The following RAB33A variants were observed in gnomAD, a reference collection of about 807,000 sequenced individuals.
The protein encoded by RAB33A is RAB33A, member RAS oncogene family, also known as ras-related protein Rab-33A.
RAB33A carries 6 observed loss-of-function variants against 12.0 expected under a neutral mutation model. The observed-to-expected ratio is 0.50, with a 90% CI of 0.27 to 0.99. The LOEUF (loss-of-function observed/expected upper bound fraction) is 0.99. Ranked by LOEUF, RAB33A falls within the 50% of genes least tolerant of loss-of-function variation. The probability of loss-of-function intolerance (pLI) is 0.11; values close to 1 mark genes in which losing one functional copy is unlikely to be tolerated. For missense variants in RAB33A, 109 were observed against 192.0 expected (o/e 0.57, Z 2.55); for synonymous variants, 70 against 82.4 (o/e 0.85, Z 0.81).
chrX:130,124,963 G>C, the RAB33A span, among the ~76,000 whole-genome samples: 2 of 112,141 alleles, frequency 1.8e-5, no homozygotes, highest in African/African-American at 6.5e-5. Context: ...AAACCAGGAT[G>C]GGGGTGGGGG....
the RAB33A span, among the ~76,000 whole-genome samples, chrX:130,132,628 T>G: frequency 1.8e-5 from 2 of 112,695 alleles, no homozygotes; most frequent in Non-Finnish European, 3.8e-5. Context: ...GTCTCGAACT[T>G]CTGGGCTCAA....
At chrX:130,154,801 T>G in the RAB33A span, among the ~76,000 whole-genome samples, 3 of 112,821 alleles carry the variant, frequency 2.7e-5, no homozygotes, top group Non-Finnish European at 5.6e-5. Flanking sequence ...TACCTTTATT[T>G]GCTTATTTAA....
the RAB33A span, chrX:130,138,639 A>G: frequency 8.3e-7 from 1 of 1,209,125 alleles, no homozygotes; most frequent in Non-Finnish European, 1.1e-6. Flanking sequence ...GGAAGCCCCC[A>G]CCGATAATCG....
At chrX:130,131,526 G>A in the RAB33A span, 3 of 828,825 alleles carry the variant, frequency 3.6e-6, no homozygotes, top group Admixed American at 4.7e-5. Context: ...TAAAGAGTGA[G>A]GACTTGGGGT....
the RAB33A span, among the ~76,000 whole-genome samples, chrX:130,158,251 C>G: frequency 9.2e-6 from 1 of 108,731 alleles, no homozygotes; most frequent in Non-Finnish European, 1.9e-5. Flanking sequence ...GCAACGAGAG[C>G]GAAACTCCAT....
the RAB33A span, among the ~76,000 whole-genome samples, chrX:130,153,461 T>C: frequency 8.2e-5 from 9 of 110,220 alleles, no homozygotes; most frequent in East Asian, 2.5e-3. Context: ...GTAATAGTTA[T>C]ACTTAAGTTA....
At chrX:130,113,239 C>T in the RAB33A span, among the ~76,000 whole-genome samples, 4 of 106,474 alleles carry the variant, frequency 3.8e-5, no homozygotes, top group African/African-American at 1.4e-4. Flanking sequence ...CGCCACCATG[C>T]CCGGCTAATT....
At chrX:130,126,991 G>C in the RAB33A span, among the ~76,000 whole-genome samples, 2 of 111,731 alleles carry the variant, frequency 1.8e-5, no homozygotes, top group Admixed American at 9.5e-5. Context: ...ATGGCGTTCC[G>C]GATGTGAAGA....
the RAB33A span, among the ~76,000 whole-genome samples, chrX:130,128,721 T>A: frequency 8.9e-6 from 1 of 111,806 alleles, no homozygotes; most frequent in African/African-American, 3.3e-5. Flanking sequence ...GAAAAGGAGC[T>A]TAAGAGAGGA....
chrX:130,140,754 T>C, the RAB33A span: 1 of 524,810 alleles, frequency 1.9e-6, no homozygotes, highest in Non-Finnish European at 3.3e-6. Flanking sequence ...CACAAGGTTG[T>C]GCCACCATCA....
chrX:130,125,179 C>T, the RAB33A span, among the ~76,000 whole-genome samples: 32 of 111,584 alleles, frequency 2.9e-4, no homozygotes, highest in African/African-American at 9.4e-4. Flanking sequence ...AAGTCCTGGC[C>T]GACAGTACCG....
At chrX:130,129,284 G>A in the RAB33A span, 5 of 373,750 alleles carry the variant, frequency 1.3e-5, no homozygotes, top group South Asian at 6.9e-5. Context: ...GTGCTTGGTC[G>A]GTGCTGCAAT....
chrX:130,163,142 C>T, the RAB33A span, among the ~76,000 whole-genome samples: 3 of 109,621 alleles, frequency 2.7e-5, no homozygotes, highest in South Asian at 4.0e-4. Flanking sequence ...AACCCCGTCT[C>T]TACTAAAAAT....
upstream of RAB33A, chrX:130,171,741 C>T: frequency 7.2e-6 from 2 of 278,228 alleles, no homozygotes; most frequent in Non-Finnish European, 1.3e-5. Context: ...CCAGAGCATC[C>T]GGTCCGAGGG....
At chrX:130,149,007 C>T in the RAB33A span, among the ~76,000 whole-genome samples, 1 of 103,382 alleles carries the variant, frequency 9.7e-6, no homozygotes, top group Non-Finnish European at 2.0e-5. Flanking sequence ...CTGCAACCTC[C>T]GCCACTTCAG....
upstream of RAB33A, among the ~76,000 whole-genome samples, chrX:130,169,828 G>A (rs1482874296): frequency 8.9e-6 from 1 of 112,106 alleles, no homozygotes; most frequent in East Asian, 2.8e-4. Context: ...AATTGGCAAA[G>A]GGCAAAGCCC....
At chrX:130,157,648 C>T in the RAB33A span, among the ~76,000 whole-genome samples, 1 of 111,400 alleles carries the variant, frequency 9.0e-6, no homozygotes, top group Non-Finnish European at 1.9e-5. Flanking sequence ...TCATGTGTCA[C>T]GAAATTCTTT....
intron 1 of RAB33A, among the ~76,000 whole-genome samples, chrX:130,173,094 G>C (rs1422029386): frequency 8.9e-6 from 1 of 112,132 alleles, no homozygotes; most frequent in Non-Finnish European, 1.9e-5. Context: ...CCGAGGGCCA[G>C]GGGAATGTTC....
chrX:130,131,676 T>C, the RAB33A span: 1 of 1,212,097 alleles, frequency 8.3e-7, no homozygotes, highest in Non-Finnish European at 1.1e-6. Flanking sequence ...CTTTCTTACC[T>C]GACTGCTCTG....
Sources: gnomAD v4.1 joint callset for allele counts (sites outside exome capture counted in the v4.1 genomes callset) on GRCh38, gnomAD v4.1.1 for gene constraint, MANE v1.5 for transcripts, NCBI Gene and HGNC (gene_info 2026-07-23, HGNC 2026-07-21) for gene names.